The following ASMTL variants were observed in gnomAD, a reference collection of about 807,000 sequenced individuals.
The protein encoded by ASMTL is probable bifunctional dTTP/UTP pyrophosphatase/methyltransferase protein.
In ASMTL, 57 loss-of-function variants were observed where a neutral mutation model predicts 60.3. The observed-to-expected ratio is 0.95, with a 90% CI of 0.76 to 1.18. The LOEUF (loss-of-function observed/expected upper bound fraction) is 1.18, where lower values mean the gene tolerates loss of function less well. Among genes scored for constraint, ASMTL ranks in the 50% most tolerant of loss-of-function variants. The pLI, the probability that ASMTL is intolerant of heterozygous loss-of-function variation, is 0.00. For synonymous variants in ASMTL, 419 were observed against 373.0 expected, an observed-to-expected ratio of 1.12 and a Z score of -1.42; for missense variants, 981 against 852.6, an observed-to-expected ratio of 1.15 and a Z score of -1.88.
intron 4 of ASMTL, 60 bp downstream of exon 4, chrX:1,435,634 T>C: frequency 6.5e-7 from 1 of 1,544,988 alleles, no homozygotes; most frequent in Non-Finnish European, 8.9e-7. Flanking sequence ...CCCGGCCAGA[T>C]ACCACAGCTA....
chrX:1,446,982 T>G (rs1427649808), intron 1 of ASMTL, among the ~76,000 whole-genome samples: 2 of 152,236 alleles, frequency 1.3e-5, no homozygotes, highest in Non-Finnish European at 2.9e-5. Flanking sequence ...TGTTTTGCAT[T>G]CTTTTCCTTT....
At chrX:1,416,024 C>G (rs751429837) in intron 11 of ASMTL, among the ~76,000 whole-genome samples, 3 of 138,554 alleles carry the variant, frequency 2.2e-5, no homozygotes, top group African/African-American at 5.3e-5. Context: ...CACACACACA[C>G]GGACACAGAT....
chrX:1,428,436 G>C (rs1333747469), intron 6 of ASMTL, among the ~76,000 whole-genome samples: 1 of 151,730 alleles, frequency 6.6e-6, no homozygotes, highest in Non-Finnish European at 1.5e-5. Context: ...GAGGTCAGAA[G>C]TTCAAGACCA....
intron 5 of ASMTL, among the ~76,000 whole-genome samples, chrX:1,434,489 CAA>C (rs34994213): frequency 2.1e-4 from 24 of 113,828 alleles, no homozygotes; most frequent in South Asian, 3.0e-4. Flanking sequence ...GACCCTGTCT[CAA>C]AAAAAAAAAA....
chrX:1,421,488 C>T, intron 9 of ASMTL, 170 bp downstream of exon 9: 1 of 195,992 alleles, frequency 5.1e-6, no homozygotes. Flanking sequence ...TGTTCCAGGG[C>T]TGAGTGACAC....
At chrX:1,428,151 CAAG>C (rs1354390572) in intron 6 of ASMTL, 30 bp from the exon 7 acceptor site, 4 of 1,575,540 alleles carry the variant, frequency 2.5e-6, no homozygotes, top group Non-Finnish European at 3.5e-6. Flanking sequence ...TAAGAGGTGA[CAAG>C]GAGGAGAAAA....
At chrX:1,415,923 C>T (rs1298515682) in intron 11 of ASMTL, among the ~76,000 whole-genome samples, 2 of 152,030 alleles carry the variant, frequency 1.3e-5, no homozygotes, top group African/African-American at 2.4e-5. Context: ...TGCAAGCACA[C>T]GCCACAAGAC....
intron 1 of ASMTL, among the ~76,000 whole-genome samples, chrX:1,448,635 ACCG>A: frequency 6.6e-6 from 1 of 150,826 alleles, no homozygotes; most frequent in South Asian, 2.1e-4. Flanking sequence ...TTGGACACAC[ACCG>A]CCATCTTGGA....
chrX:1,413,539 G>C (rs1190077213), intron 11 of ASMTL, among the ~76,000 whole-genome samples: 4 of 152,216 alleles, frequency 2.6e-5, no homozygotes, highest in Non-Finnish European at 5.9e-5. Context: ...GGCGCATGTA[G>C]CTGCACGCCC....
intron 8 of ASMTL, 36 bp from the exon 9 acceptor site, chrX:1,421,878 G>A (rs373057642): frequency 3.2e-5 from 51 of 1,605,190 alleles, no homozygotes; most frequent in African/African-American, 2.1e-4. Context: ...ACCTCCTAAC[G>A]AGAAAACCCA....
chrX:1,436,162 G>C (rs1190825358), intron 3 of ASMTL, among the ~76,000 whole-genome samples: 1 of 152,140 alleles, frequency 6.6e-6, no homozygotes, highest in African/African-American at 2.4e-5. Flanking sequence ...GTTGCAGCCT[G>C]TTTCACAGCC....
At chrX:1,416,807 C>T (rs770450494) in intron 11 of ASMTL, among the ~76,000 whole-genome samples, 11 of 149,622 alleles carry the variant, frequency 7.4e-5, no homozygotes, top group African/African-American at 2.7e-4. Context: ...GACATGCACA[C>T]ACACCATGCA....
At chrX:1,452,957 C>T (rs1448780813), upstream of ASMTL, 8 of 764,076 alleles carry the variant, frequency 1.0e-5, no homozygotes, top group South Asian at 3.9e-5. Context: ...GCCACGCCCC[C>T]GCCCGCCTCC....
At chrX:1,440,995 A>C (rs1349549233) in intron 2 of ASMTL, among the ~76,000 whole-genome samples, 1 of 152,088 alleles carries the variant, frequency 6.6e-6, no homozygotes, top group African/African-American at 2.4e-5. Context: ...AAGCTACATG[A>C]ATCTTAAATC....
chrX:1,421,492 G>A, intron 9 of ASMTL, 166 bp downstream of exon 9: 1 of 209,728 alleles, frequency 4.8e-6, no homozygotes, highest in Non-Finnish European at 8.3e-6. Context: ...CCAGGGCTGA[G>A]TGACACAAGA....
intron 12 of ASMTL, among the ~76,000 whole-genome samples, chrX:1,411,407 CG>C (rs1437312377): frequency 6.6e-6 from 1 of 152,120 alleles, no homozygotes; most frequent in Non-Finnish European, 1.5e-5. Flanking sequence ...GCTGAGTGCC[CG>C]TCAGATTCCC....
intron 9 of ASMTL, 38 bp from the exon 10 acceptor site, chrX:1,419,152 C>T (rs760405085): frequency 2.0e-5 from 32 of 1,604,482 alleles, no homozygotes; most frequent in Admixed American, 8.5e-5. Flanking sequence ...CCAGAGAACA[C>T]GGGGCGAGGG....
intron 12 of ASMTL, among the ~76,000 whole-genome samples, chrX:1,411,116 G>A (rs1278641956): frequency 3.9e-5 from 6 of 152,040 alleles, no homozygotes; most frequent in African/African-American, 1.4e-4. Flanking sequence ...CCCTGGGGGT[G>A]GAGGTTACGG....
At chrX:1,432,193 G>C (rs1204983385) in intron 6 of ASMTL, 76 bp downstream of exon 6, 5 of 1,242,034 alleles carry the variant, frequency 4.0e-6, no homozygotes, top group East Asian at 4.9e-5. Flanking sequence ...CCAAAGGCTG[G>C]GTGGGACACC....
Sources: allele counts gnomAD v4.1 joint callset (sites outside exome capture counted in the v4.1 genomes callset), GRCh38; gene constraint gnomAD v4.1.1; transcripts MANE v1.5; gene names NCBI Gene and HGNC (gene_info 2026-07-23, HGNC 2026-07-21).